Variants in GALNT17 observed in about 807,000 individuals in gnomAD.
GALNT17 encodes the protein polypeptide N-acetylgalactosaminyltransferase 17, also known as UDP-GalNAc:polypeptide N-acetylgalactosaminyltransferase-like 3.
Under a neutral mutation model 63.7 loss-of-function variants are expected in GALNT17, and 29 were observed. The observed-to-expected ratio is 0.46, with a 90% CI of 0.34 to 0.62. The LOEUF is 0.62. Among genes scored for constraint, GALNT17 ranks in the 20% least tolerant of loss-of-function variants. The pLI is 0.01. For missense variants in GALNT17, 603 were observed against 799.6 expected (o/e 0.75, Z 2.97); for synonymous variants, 305 against 318.3 (o/e 0.96, Z 0.45).
intron 6 of GALNT17, among the ~76,000 whole-genome samples, chr7:71,661,943 A>G (rs946068612): frequency 2.6e-5 from 4 of 152,106 alleles, no homozygotes; most frequent in Admixed American, 2.6e-4. Context: ...CCTTGTTTAA[A>G]AGGCTTGGTG....
At chr7:71,190,990 C>T (rs1788941845) in intron 1 of GALNT17, among the ~76,000 whole-genome samples, 1 of 152,088 alleles carries the variant, frequency 6.6e-6, no homozygotes, top group Non-Finnish European at 1.5e-5. Context: ...AGATAGGGGG[C>T]CCGGTTCAGA....
intron 1 of GALNT17, among the ~76,000 whole-genome samples, chr7:71,332,178 G>C (rs751776451): frequency 8.6e-4 from 131 of 152,076 alleles, no homozygotes; most frequent in Non-Finnish European, 1.6e-3. Context: ...TCTGGAGACT[G>C]TGTAAATTCA....
At chr7:71,675,132 C>T (rs970717239) in intron 8 of GALNT17, among the ~76,000 whole-genome samples, 5 of 151,912 alleles carry the variant, frequency 3.3e-5, no homozygotes, top group Non-Finnish European at 7.4e-5. Flanking sequence ...TGCAGTGAGC[C>T]GAGATTGCGC....
At position 71,193,066 on chromosome 7, in the gene GALNT17, C is replaced by CATTT. The variant is rs138751530; in HGVS notation, c.238+60071_238+60074dup. ...ATCTTGGTCTTTAACCATCATCTAC[C>CATTT]ATTTATTTATTTATTTATTTATTTA... On this transcript the variant is annotated intron_variant, in intron 1 of 10. Transcript: ENST00000333538. 8.3e-3 allele frequency among the ~76,000 whole-genome samples: 1,167 copies of CATTT among 140,678 alleles called. 10 individuals are homozygous for CATTT. Among genetic ancestry groups the CATTT allele is most frequent in the South Asian group, 0.014 (57 of 4,078 alleles). 92.3% of individuals were successfully genotyped at this position (140,678 alleles called of 152,430 possible).
chr7:71,495,559 A>G (rs1404480389), intron 5 of GALNT17, among the ~76,000 whole-genome samples: 1 of 152,104 alleles, frequency 6.6e-6, no homozygotes, highest in Non-Finnish European at 1.5e-5. Context: ...CATGCCCAGG[A>G]CTAGTAGGCA....
intron 5 of GALNT17, among the ~76,000 whole-genome samples, chr7:71,546,624 T>A (rs1788990189): frequency 6.6e-6 from 1 of 152,230 alleles, no homozygotes; most frequent in African/African-American, 2.4e-5. Flanking sequence ...AACAAGGTAC[T>A]CAACCTTTCT....
At position 71,158,560 on chromosome 7, in the gene GALNT17, A is replaced by C. The variant is rs147261462; in HGVS notation, c.238+25520A>C. On this transcript the variant is annotated intron_variant, in intron 1 of 10. Transcript: ENST00000333538. Reference sequence around the variant, plus strand: ...CAGGTGCCTGCCACCACGCCTGGCTAATTTTTCTGTTTTTATTTATTTATT... The same window carrying C: ...CAGGTGCCTGCCACCACGCCTGGCTCATTTTTCTGTTTTTATTTATTTATT... Among the ~76,000 whole-genome samples, 192 of 150,886 alleles carry C rather than the reference A, an allele frequency of 1.3e-3. 3 individuals carry two copies. Among genetic ancestry groups the C allele is most frequent in the African/African-American group, 4.3e-3 (177 of 40,696 alleles).
intron 6 of GALNT17, among the ~76,000 whole-genome samples, chr7:71,636,710 A>T (rs1790532886): frequency 6.6e-6 from 1 of 152,184 alleles, no homozygotes; most frequent in Admixed American, 6.5e-5. Context: ...ATACATTGAT[A>T]GTGACAACTC....
intron 2 of GALNT17, among the ~76,000 whole-genome samples, chr7:71,383,511 T>C (rs1792883187): frequency 6.6e-6 from 1 of 152,146 alleles, no homozygotes; most frequent in Non-Finnish European, 1.5e-5. Context: ...CGGTCATAGC[T>C]CACTGTAACC....
At chr7:71,252,417 C>T (rs1000708153) in intron 1 of GALNT17, among the ~76,000 whole-genome samples, 8 of 151,908 alleles carry the variant, frequency 5.3e-5, no homozygotes, top group African/African-American at 1.2e-4. Flanking sequence ...CCCAGCTACT[C>T]GGGAGGCTGA....
Position 71,570,843 on chromosome 7 carries a change from G to C in GALNT17, c.963-442G>C, listed in dbSNP as rs563346403. On this transcript the variant is annotated intron_variant, in intron 5 of 10. Transcript: ENST00000333538. Reference sequence around the variant, plus strand: ...AAAAATACAAAATTAGCTGTGCATGGTGGCGCATCCTGTAATCCCAGCTAC... The same window carrying C: ...AAAAATACAAAATTAGCTGTGCATGCTGGCGCATCCTGTAATCCCAGCTAC... Among the ~76,000 whole-genome samples, 30 of 152,162 alleles carry C rather than the reference G, an allele frequency of 2.0e-4. No individual in the cohort carries two copies. The South Asian group carries it at 3.9e-3, about 20-fold the overall frequency.
Position 71,335,625 on chromosome 7 carries a change from C to G in GALNT17, c.314C>G (p.Pro105Arg). The part of the protein sequence containing the change: ...GKGGLPATLS[P>R]AEEEKAKGPH... ...GGGGGCCTTCCGGCTACTCTTTCCCCGGCTGAAGAAGAAAAGGCTAAGGGA... is the reference window on the plus strand; with the variant it reads ...GGGGGCCTTCCGGCTACTCTTTCCCGGGCTGAAGAAGAAAAGGCTAAGGGA... The change falls in exon 2 of 11, where the codon CCG becomes CGG. Residue 105 changes from proline to arginine, a missense_variant. This residue lies in a region of GALNT17 where 195 missense variants were observed against 215.0 expected (regional missense o/e 0.91). Transcript: ENST00000333538. 1.2e-6 allele frequency: 2 copies of G among 1,612,364 alleles called. No individual in the cohort carries two copies. The highest frequency in any genetic ancestry group is 1.7e-6 in the Non-Finnish European group (2 of 1,179,154).
At chr7:71,458,740 C>T (rs192494064) in intron 5 of GALNT17, among the ~76,000 whole-genome samples, 2 of 152,192 alleles carry the variant, frequency 1.3e-5, no homozygotes, top group African/African-American at 2.4e-5. Flanking sequence ...GGCTGTCCAG[C>T]GGCTCACCTC....
intron 1 of GALNT17, among the ~76,000 whole-genome samples, chr7:71,170,455 C>G (rs1788527062): frequency 6.6e-6 from 1 of 152,116 alleles, no homozygotes; most frequent in African/African-American, 2.4e-5. Flanking sequence ...CCTGCTTCAG[C>G]TTCCTGAGTA....
intron 6 of GALNT17, among the ~76,000 whole-genome samples, chr7:71,574,101 A>C (rs1789496393): frequency 6.6e-6 from 1 of 152,200 alleles, no homozygotes; most frequent in Admixed American, 6.5e-5. Context: ...TGCTATTGTG[A>C]ATAGTGCTGC....
At chr7:71,299,025 C>A (rs1462875417) in intron 1 of GALNT17, among the ~76,000 whole-genome samples, 2 of 152,054 alleles carry the variant, frequency 1.3e-5, no homozygotes, top group African/African-American at 4.8e-5. Flanking sequence ...TATCGGAGTT[C>A]CAAATGTGAG....
At chr7:71,482,232 C>T (rs548385112) in intron 5 of GALNT17, among the ~76,000 whole-genome samples, 1 of 151,842 alleles carries the variant, frequency 6.6e-6, no homozygotes, top group East Asian at 2.0e-4. Context: ...TCACTGCAAC[C>T]TCTGCCTCCC....
At chr7:71,644,717 C>T (rs950953853) in intron 6 of GALNT17, among the ~76,000 whole-genome samples, 4 of 151,952 alleles carry the variant, frequency 2.6e-5, no homozygotes, top group Non-Finnish European at 4.4e-5. Flanking sequence ...TGCCACTGCT[C>T]TCCAGCCTGG....
rs896028647 is a variant in GALNT17, at chr7:71,712,702, C to T, written c.*556C>T. The T allele has an allele frequency of 2.6e-5, 4 of 153,420 alleles. No individual in the cohort carries two copies. The highest frequency in any genetic ancestry group is 5.8e-5 in the Non-Finnish European group (4 of 69,014). 9.5% of individuals were successfully genotyped at this position (153,420 alleles called of 1,614,324 possible). The stretch of plus-strand genomic sequence containing the variant: ...GGCAGCTACTGCCCCTAACCCTTCC[C>T]ACCAGGGTAGCTTTGGGCACTGCAG... On this transcript the variant is annotated 3_prime_UTR_variant, in exon 11 of 11. Transcript: ENST00000333538.
Sources: allele counts gnomAD v4.1 joint callset (sites outside exome capture counted in the v4.1 genomes callset), GRCh38; gene constraint gnomAD v4.1.1; regional missense constraint gnomAD v4.1.1; transcripts MANE v1.5; gene names NCBI Gene and HGNC (gene_info 2026-07-23, HGNC 2026-07-21).